EML4: variants seen among roughly 807,000 people sequenced by gnomAD.
The protein encoded by EML4 is echinoderm microtubule-associated protein-like 4.
EML4 carries 72 observed loss-of-function variants against 129.0 expected under a neutral mutation model. The observed-to-expected ratio is 0.56, with a 90% CI of 0.46 to 0.68. The LOEUF (loss-of-function observed/expected upper bound fraction) is 0.68. Among genes scored for constraint, EML4 ranks in the 30% least tolerant of loss-of-function variants. The pLI is 0.00. For missense variants in EML4, 1,363 were observed against 1,190.6 expected (o/e 1.14, Z -2.13); for synonymous variants, 532 against 405.0 (o/e 1.31, Z -3.77).
intron 1 of EML4, among the ~76,000 whole-genome samples, chr2:42,194,142 C>T (rs1671764666): frequency 6.6e-6 from 1 of 152,086 alleles, no homozygotes; most frequent in Non-Finnish European, 1.5e-5. Context: ...AGATAGTCAT[C>T]ATAAATTTTT....
chr2:42,290,297 T>C (rs1451280539), intron 11 of EML4, among the ~76,000 whole-genome samples: 1 of 152,178 alleles, frequency 6.6e-6, no homozygotes, highest in Non-Finnish European at 1.5e-5. Flanking sequence ...CCATCCTTGC[T>C]TAAGTCACAA....
Position 42,330,100 on chromosome 2 carries a change from G to A in EML4, c.2839G>A (p.Gly947Arg), listed in dbSNP as rs762281227. 1.4e-5 allele frequency: 23 copies of A among 1,612,584 alleles called. No individual in the cohort carries two copies. The highest frequency in any genetic ancestry group is 6.7e-5 in the African/African-American group (5 of 74,338). Residue 947 changes from glycine to arginine, a missense_variant, in exon 23 of 23, where the codon GGA becomes AGA. Gly to Arg is a moderately radical substitution (Grantham distance 125). Coordinates refer to ENST00000318522, the MANE Select transcript of EML4 (RefSeq NM_019063.5). ...HSEEESEEGS[G>R]DLGEPLYEEP... Reference sequence around the variant, plus strand: ...CGAGGAGGAGAGTGAAGAGGGCAGCGGAGACCTTGGTGAGCCTCTTTATGA... The same window carrying A: ...CGAGGAGGAGAGTGAAGAGGGCAGCAGAGACCTTGGTGAGCCTCTTTATGA...
chr2:42,236,814 A>G (rs1171048863), intron 1 of EML4, among the ~76,000 whole-genome samples: 1 of 152,144 alleles, frequency 6.6e-6, no homozygotes, highest in Non-Finnish European at 1.5e-5. Flanking sequence ...TATCTTTGGG[A>G]ACACTGTATG....
At chr2:42,256,757 A>T (rs1369528216) in intron 3 of EML4, 127 bp downstream of exon 3, 4 of 1,195,038 alleles carry the variant, frequency 3.3e-6, no homozygotes, top group East Asian at 4.9e-5. Context: ...TTGAATTCTT[A>T]AACTGTGAAA....
chr2:42,236,418 A>G (rs2104239277), intron 1 of EML4, among the ~76,000 whole-genome samples: 1 of 152,346 alleles, frequency 6.6e-6, no homozygotes, highest in African/African-American at 2.4e-5. Flanking sequence ...GTATGTCTGC[A>G]GGAGTTTCTC....
At chr2:42,239,605 A>G (rs936170560) in intron 1 of EML4, among the ~76,000 whole-genome samples, 1 of 152,140 alleles carries the variant, frequency 6.6e-6, no homozygotes, top group Admixed American at 6.6e-5. Flanking sequence ...AATGAGTTCA[A>G]AAATGCTTGA....
At chr2:42,245,425 T>C (rs754761487) in intron 1 of EML4, 80 bp from the exon 2 acceptor site, 53 of 1,323,632 alleles carry the variant, frequency 4.0e-5, no homozygotes, top group East Asian at 7.6e-5. Context: ...GTAAGTCTTA[T>C]GTGGGATGGT....
chr2:42,175,973 T>C (rs1307873068), intron 1 of EML4, among the ~76,000 whole-genome samples: 1 of 152,190 alleles, frequency 6.6e-6, no homozygotes, highest in East Asian at 1.9e-4. Context: ...TTTTGCATTC[T>C]GTTTTTTTCG....
chr2:42,220,329 C>T (rs1016031156), intron 1 of EML4, among the ~76,000 whole-genome samples: 1 of 151,342 alleles, frequency 6.6e-6, no homozygotes, highest in Non-Finnish European at 1.5e-5. Context: ...AGCATGTGTA[C>T]CCACTTCATC....
At chr2:42,315,001 C>T (rs931933365) in intron 17 of EML4, among the ~76,000 whole-genome samples, 4 of 152,230 alleles carry the variant, frequency 2.6e-5, no homozygotes, top group African/African-American at 4.8e-5. Flanking sequence ...AAATTTAGAG[C>T]TTCCCTGTGC....
chr2:42,224,129 A>G (rs889329268), intron 1 of EML4, among the ~76,000 whole-genome samples: 1 of 152,078 alleles, frequency 6.6e-6, no homozygotes, highest in Non-Finnish European at 1.5e-5. Context: ...TAATATATTC[A>G]CAGAGTTGTG....
At chr2:42,260,802 T>G (rs1327591438) in intron 3 of EML4, among the ~76,000 whole-genome samples, 1 of 152,210 alleles carries the variant, frequency 6.6e-6, no homozygotes, top group Non-Finnish European at 1.5e-5. Flanking sequence ...CTGATTTGGG[T>G]AACTTGAGGT....
At chr2:42,251,749 C>G (rs2104334093) in intron 2 of EML4, among the ~76,000 whole-genome samples, 1 of 152,356 alleles carries the variant, frequency 6.6e-6, no homozygotes, top group South Asian at 2.1e-4. Flanking sequence ...ATCAACTAGA[C>G]TATCTCTACC....
intron 1 of EML4, among the ~76,000 whole-genome samples, chr2:42,183,115 A>G (rs547008207): frequency 8.5e-5 from 13 of 152,252 alleles, no homozygotes; most frequent in Admixed American, 1.3e-4. Context: ...AGATCGCACC[A>G]CTGAGCTCCA....
At chr2:42,248,055 C>A (rs112283057) in intron 2 of EML4, among the ~76,000 whole-genome samples, 8 of 152,020 alleles carry the variant, frequency 5.3e-5, no homozygotes, top group South Asian at 2.1e-4. Flanking sequence ...TCACTGTAAC[C>A]TCAAACTGCT....
chr2:42,261,831 T>C (rs1305260065), intron 4 of EML4, among the ~76,000 whole-genome samples: 1 of 152,196 alleles, frequency 6.6e-6, no homozygotes, highest in East Asian at 1.9e-4. Context: ...TTTTCTATGC[T>C]AAAGGCTTGC....
intron 19 of EML4, 49 bp downstream of exon 19, chr2:42,317,573 T>A: frequency 7.3e-7 from 1 of 1,370,364 alleles, no homozygotes; most frequent in Non-Finnish European, 1.0e-6. Flanking sequence ...AAATTTTACT[T>A]CCGTTAAAAA....
intron 1 of EML4, among the ~76,000 whole-genome samples, chr2:42,231,226 C>A (rs1350960272): frequency 1.3e-5 from 2 of 152,184 alleles, no homozygotes; most frequent in Non-Finnish European, 2.9e-5. Flanking sequence ...TCTTTGCAGT[C>A]TAACATTATG....
chr2:42,273,475 G>T (rs1287646593), intron 6 of EML4, among the ~76,000 whole-genome samples: 1 of 152,176 alleles, frequency 6.6e-6, no homozygotes, highest in Non-Finnish European at 1.5e-5. Flanking sequence ...GTGGGTAACT[G>T]TAAGTTGGCT....
Sources: gnomAD v4.1 joint callset for allele counts (sites outside exome capture counted in the v4.1 genomes callset) on GRCh38, gnomAD v4.1.1 for gene constraint, MANE v1.5 for transcripts, NCBI Gene and HGNC (gene_info 2026-07-23, HGNC 2026-07-21) for gene names.